Variants in PKHD1 observed in about 807,000 individuals in gnomAD.
The protein encoded by PKHD1 is fibrocystin.
A neutral mutation model predicts 412.0 loss-of-function variants in PKHD1; 291 were observed. That is an observed-to-expected ratio of 0.71 (90% CI 0.64 to 0.78). The LOEUF (loss-of-function observed/expected upper bound fraction) is 0.78. PKHD1 is among the 30% of genes least tolerant of loss of function. The pLI is 0.00. For missense variants in PKHD1, 4,825 were observed against 4,950.7 expected (o/e 0.97, Z 0.76); for synonymous variants, 1,777 against 1,821.5 (o/e 0.98, Z 0.62).
chr6:51,660,121 C>A, intron 60 of PKHD1, 152 bp from the exon 61 acceptor site: 1 of 507,416 alleles, frequency 2.0e-6, no homozygotes, highest in South Asian at 3.9e-5. Context: ...AGGAAGATTG[C>A]GGCAAAATAT....
Position 51,657,128 on chromosome 6 carries a change from A to G in PKHD1, c.11174+1824T>C, listed in dbSNP as rs939976769. Among the ~76,000 whole-genome samples, 6 of 151,954 alleles carry G rather than the reference A, an allele frequency of 3.9e-5. No homozygotes were observed. The East Asian group carries it at 7.7e-4, about 20-fold the overall frequency. On this transcript the variant is annotated intron_variant, in intron 61 of 66. Transcript: ENST00000371117. ...TTAAAGTATAATAATAATAAAAAAA[A>G]AAAAAAGAAAGAACTGCATTCCTAG... is the stretch of plus-strand genomic sequence containing the variant.
At chr6:51,726,888 A>G (rs1043779674) in intron 60 of PKHD1, among the ~76,000 whole-genome samples, 2 of 152,186 alleles carry the variant, frequency 1.3e-5, no homozygotes, top group African/African-American at 2.4e-5. Flanking sequence ...AGGGACTTTG[A>G]AGATATTATT....
At chr6:51,952,256 C>G (rs922776136) in intron 36 of PKHD1, among the ~76,000 whole-genome samples, 2 of 152,170 alleles carry the variant, frequency 1.3e-5, no homozygotes, top group African/African-American at 4.8e-5. Flanking sequence ...TGTCTCTGAT[C>G]TCCTGATACA....
At chr6:52,045,923 T>G in intron 24 of PKHD1, 81 bp downstream of exon 24, 1 of 930,032 alleles carries the variant, frequency 1.1e-6, no homozygotes, top group Non-Finnish European at 1.8e-6. Flanking sequence ...ACAGTTTCCA[T>G]TTGTATAATT....
intron 36 of PKHD1, among the ~76,000 whole-genome samples, chr6:51,944,268 C>T (rs1270619905): frequency 6.6e-6 from 1 of 152,026 alleles, no homozygotes; most frequent in Non-Finnish European, 1.5e-5. Context: ...AACAACCCCC[C>T]TTTTTCCTTT....
chr6:52,019,661 T>C (rs1027656856), intron 33 of PKHD1, among the ~76,000 whole-genome samples: 4 of 152,226 alleles, frequency 2.6e-5, no homozygotes, highest in African/African-American at 9.6e-5. Flanking sequence ...TGCGTGACCT[T>C]AATCACTTTA....
At chr6:52,074,349 G>A (rs1811053304) in intron 6 of PKHD1, among the ~76,000 whole-genome samples, 1 of 152,184 alleles carries the variant, frequency 6.6e-6, no homozygotes, top group Non-Finnish European at 1.5e-5. Context: ...AAATCTTTCG[G>A]AAGGTATTAC....
At chr6:51,714,575 C>T (rs1781036596) in intron 60 of PKHD1, among the ~76,000 whole-genome samples, 1 of 152,118 alleles carries the variant, frequency 6.6e-6, no homozygotes, top group Non-Finnish European at 1.5e-5. Context: ...CCGTATATGG[C>T]TATGTAAATT....
At chr6:51,740,027 A>G (rs758569162) in intron 60 of PKHD1, 1 of 518,900 alleles carries the variant, frequency 1.9e-6, no homozygotes, top group Non-Finnish European at 3.8e-6. Context: ...CTTCTAAATG[A>G]TTTTGAATGT....
At chr6:51,654,581 G>T (rs1771507792) in intron 61 of PKHD1, among the ~76,000 whole-genome samples, 1 of 151,888 alleles carries the variant, frequency 6.6e-6, no homozygotes, top group Admixed American at 6.6e-5. Flanking sequence ...GAACTTTTCT[G>T]GATGTGGATA....
chr6:51,741,002 C>T (rs761055760), intron 60 of PKHD1: 1 of 483,860 alleles, frequency 2.1e-6, no homozygotes, highest in African/African-American at 1.9e-5. Context: ...GCCACTCACA[C>T]ACATACATGC....
chr6:52,071,129 A>T, intron 8 of PKHD1, 59 bp from the exon 9 acceptor site: 1 of 1,157,806 alleles, frequency 8.6e-7, no homozygotes. Flanking sequence ...AGAAGATCTG[A>T]CTCTTTAACC....
intron 6 of PKHD1, among the ~76,000 whole-genome samples, chr6:52,074,660 C>T (rs1363583193): frequency 3.3e-5 from 5 of 152,124 alleles, no homozygotes; most frequent in Admixed American, 6.5e-5. Flanking sequence ...CACCAGAGCA[C>T]GGTGATGGGG....
chr6:52,027,667 A>G (rs1802424754), intron 31 of PKHD1, among the ~76,000 whole-genome samples, 162 bp downstream of exon 31: 1 of 151,952 alleles, frequency 6.6e-6, no homozygotes, highest in African/African-American at 2.4e-5. Context: ...AAGTTTTAAC[A>G]CCCTTTTAAA....
At chr6:51,742,797 G>A (rs994476305) in intron 60 of PKHD1, among the ~76,000 whole-genome samples, 16 of 151,980 alleles carry the variant, frequency 1.1e-4, no homozygotes, top group Admixed American at 8.5e-4. Context: ...TAAGTACCAC[G>A]ACTCTAACAA....
intron 60 of PKHD1, among the ~76,000 whole-genome samples, chr6:51,683,572 T>C (rs1776999509): frequency 6.6e-6 from 1 of 152,072 alleles, no homozygotes; most frequent in Admixed American, 6.6e-5. Context: ...ATGGTCTGCA[T>C]ATAGAAATAC....
intron 53 of PKHD1, among the ~76,000 whole-genome samples, chr6:51,790,199 G>C (rs1324250883): frequency 6.6e-6 from 1 of 152,002 alleles, no homozygotes; most frequent in African/African-American, 2.4e-5. Context: ...TTTTTTCTGG[G>C]CATTCTCTTT....
intron 54 of PKHD1, among the ~76,000 whole-genome samples, chr6:51,775,021 C>A (rs915937169): frequency 6.7e-6 from 1 of 149,876 alleles, no homozygotes; most frequent in Admixed American, 6.6e-5. Flanking sequence ...ATTTATTATT[C>A]TTTTAGCTAT....
chr6:51,982,880 TAAAATAAAATA>T (rs1186181218), intron 35 of PKHD1, among the ~76,000 whole-genome samples: 6 of 135,948 alleles, frequency 4.4e-5, no homozygotes, highest in African/African-American at 1.6e-4. Context: ...TAAAATAAAA[TAAAATAAAATA>T]AAAAAAAGAG....
Sources: allele counts gnomAD v4.1 joint callset (sites outside exome capture counted in the v4.1 genomes callset), GRCh38; gene constraint gnomAD v4.1.1; transcripts MANE v1.5; gene names NCBI Gene and HGNC (gene_info 2026-07-23, HGNC 2026-07-21).